AUTS2: variants seen among roughly 807,000 people sequenced by gnomAD.
AUTS2 encodes the protein activator of transcription and developmental regulator AUTS2, also known as autism susceptibility gene 2 protein.
In AUTS2, 17 loss-of-function variants were observed where a neutral mutation model predicts 112.4. The ratio of observed to expected loss-of-function variants is 0.15; its 90% CI spans 0.10 to 0.23. The LOEUF (loss-of-function observed/expected upper bound fraction) is 0.23, where lower values mean the gene tolerates loss of function less well. Among genes scored for constraint, AUTS2 ranks in the 10% least tolerant of loss-of-function variants. The probability of loss-of-function intolerance (pLI) is 1.00; values close to 1 mark genes in which losing one functional copy is unlikely to be tolerated. For missense variants in AUTS2, 1,510 were observed against 1,701.6 expected (o/e 0.89, Z 1.98); for synonymous variants, 751 against 702.7 (o/e 1.07, Z -1.09).
At chr7:69,727,183 T>C (rs1786557498) in intron 1 of AUTS2, among the ~76,000 whole-genome samples, 2 of 152,190 alleles carry the variant, frequency 1.3e-5, no homozygotes, top group Non-Finnish European at 2.9e-5. Context: ...TTGAGTGTGA[T>C]ATGAGGTAAG....
intron 1 of AUTS2, among the ~76,000 whole-genome samples, chr7:69,824,862 C>T (rs770634627): frequency 4.6e-5 from 7 of 152,164 alleles, no homozygotes; most frequent in Non-Finnish European, 8.8e-5. Flanking sequence ...GGCTGGCAAT[C>T]AAAAGCTGTA....
intron 4 of AUTS2, among the ~76,000 whole-genome samples, chr7:70,216,236 T>A (rs1811159304): frequency 6.6e-6 from 1 of 152,210 alleles, no homozygotes; most frequent in Non-Finnish European, 1.5e-5. Flanking sequence ...ATATGTTTCA[T>A]CTTATGTTTA....
At chr7:70,328,723 G>A (rs892073401) in intron 4 of AUTS2, among the ~76,000 whole-genome samples, 5 of 152,172 alleles carry the variant, frequency 3.3e-5, no homozygotes, top group African/African-American at 1.2e-4. Context: ...TAAGCCAACA[G>A]TTTATGATGC....
At chr7:69,655,233 T>G (rs1231969672) in intron 1 of AUTS2, among the ~76,000 whole-genome samples, 1 of 152,164 alleles carries the variant, frequency 6.6e-6, no homozygotes, top group African/African-American at 2.4e-5. Flanking sequence ...TGTGGCTGAG[T>G]GCAAAATCAC....
At chr7:70,661,579 A>C (rs1807071217) in intron 5 of AUTS2, among the ~76,000 whole-genome samples, 1 of 152,212 alleles carries the variant, frequency 6.6e-6, no homozygotes, top group Non-Finnish European at 1.5e-5. Flanking sequence ...AATGGGAATA[A>C]TAGTGTCTTC....
chr7:70,129,550 A>G (rs965127137), intron 3 of AUTS2, among the ~76,000 whole-genome samples: 7 of 152,244 alleles, frequency 4.6e-5, no homozygotes, highest in African/African-American at 1.7e-4. Flanking sequence ...CCTGGTAGAC[A>G]TAAACAGGGG....
chr7:70,258,840 C>T (rs776609478), intron 4 of AUTS2, among the ~76,000 whole-genome samples: 9 of 152,090 alleles, frequency 5.9e-5, no homozygotes, highest in Non-Finnish European at 1.3e-4. Context: ...ATTTTGAATA[C>T]GTTTTGTATT....
chr7:69,876,349 A>AAATATAT (rs1554396465), intron 1 of AUTS2, among the ~76,000 whole-genome samples: 1 of 29,494 alleles, frequency 3.4e-5, no homozygotes, highest in Non-Finnish European at 5.5e-5. Flanking sequence ...AAAAAAAAAA[A>AAATATAT]ATATATATAT....
At chr7:70,111,895 G>A (rs746575954) in intron 2 of AUTS2, among the ~76,000 whole-genome samples, 5 of 151,994 alleles carry the variant, frequency 3.3e-5, no homozygotes, top group Middle Eastern at 3.4e-3. Context: ...ATGTGTTAGA[G>A]GTGTATCTCA....
chr7:70,582,185 G>A (rs368959048), intron 5 of AUTS2, among the ~76,000 whole-genome samples: 1 of 152,020 alleles, frequency 6.6e-6, no homozygotes, highest in African/African-American at 2.4e-5. Context: ...GAAGTTGGGG[G>A]TTTTCTTTAT....
chr7:70,384,945 C>A (rs984372931), intron 4 of AUTS2, among the ~76,000 whole-genome samples: 1 of 152,122 alleles, frequency 6.6e-6, no homozygotes. Context: ...ACATGTGGTG[C>A]CAGCACCTTG....
Position 70,694,354 on chromosome 7 carries a change from C to G in AUTS2, c.691-4215C>G, listed in dbSNP as rs1808938195. 1 of 148,906 alleles carries G rather than the reference C, an allele frequency of 6.7e-6. No homozygotes were observed. The highest frequency in any genetic ancestry group is 2.5e-5 in the African/African-American group (1 of 40,696). The allele number at this position is 148,906 out of a possible 1,614,324, so 9.2% of individuals were successfully genotyped here. On this transcript the variant is annotated intron_variant, in intron 5 of 18. Transcript: ENST00000342771. This position sits in a 1 kb window ranked among gnomAD's most constrained non-coding sequence, Gnocchi z 4.1. Reference sequence around the variant, plus strand: ...TCCTGGGCCGCGCGCCGGCGAGATCCGCACAAAATCCAGACTCCCGGAGCG... The same window carrying G: ...TCCTGGGCCGCGCGCCGGCGAGATCGGCACAAAATCCAGACTCCCGGAGCG...
intron 2 of AUTS2, among the ~76,000 whole-genome samples, chr7:70,102,050 A>G (rs1326734055): frequency 6.6e-6 from 1 of 151,738 alleles, no homozygotes; most frequent in African/African-American, 2.4e-5. Flanking sequence ...TAAAGACTTC[A>G]TTAAGCTTTC....
At chr7:70,110,480 G>A (rs1805013408) in intron 2 of AUTS2, among the ~76,000 whole-genome samples, 1 of 152,082 alleles carries the variant, frequency 6.6e-6, no homozygotes, top group Non-Finnish European at 1.5e-5. Flanking sequence ...CGCGCCATTG[G>A]ACTCCAGCTT....
intron 4 of AUTS2, among the ~76,000 whole-genome samples, chr7:70,420,292 G>GACC (rs1795164368): frequency 2.6e-5 from 4 of 152,160 alleles, no homozygotes; most frequent in African/African-American, 9.7e-5. Context: ...TTACAGTGAA[G>GACC]TTGCTGTAGG....
At chr7:70,114,165 A>C (rs1228435477) in intron 2 of AUTS2, among the ~76,000 whole-genome samples, 1 of 152,224 alleles carries the variant, frequency 6.6e-6, no homozygotes, top group East Asian at 1.9e-4. Context: ...TGAATATATA[A>C]TACTCTAATG....
intron 5 of AUTS2, among the ~76,000 whole-genome samples, chr7:70,534,386 G>A (rs1360650669): frequency 6.7e-6 from 1 of 148,506 alleles, no homozygotes; most frequent in African/African-American, 2.5e-5. Flanking sequence ...GGGAGTTATT[G>A]GGAATATGAA....
intron 8 of AUTS2, 27 bp downstream of exon 8, chr7:70,765,032 A>G: frequency 6.2e-7 from 1 of 1,611,622 alleles, no homozygotes; most frequent in Non-Finnish European, 8.5e-7. Context: ...TGTGCTCGTG[A>G]CCCCGACCCC....
intron 1 of AUTS2, among the ~76,000 whole-genome samples, chr7:69,779,228 CTG>C (rs1218367721): frequency 2.0e-5 from 3 of 151,824 alleles, no homozygotes; most frequent in African/African-American, 7.3e-5. Flanking sequence ...TTTAGGAACA[CTG>C]TTTTATTTAT....
Sources: gnomAD v4.1 joint callset for allele counts (sites outside exome capture counted in the v4.1 genomes callset) on GRCh38, gnomAD v4.1.1 for gene constraint, Gnocchi (gnomAD v3.1) non-coding constraint, MANE v1.5 for transcripts, NCBI Gene and HGNC (gene_info 2026-07-23, HGNC 2026-07-21) for gene names.